TUT4: variants seen among roughly 807,000 people sequenced by gnomAD.
TUT4 encodes terminal uridylyl transferase 4.
TUT4 carries 36 observed loss-of-function variants against 192.2 expected under a neutral mutation model. The observed-to-expected ratio is 0.19, with a 90% CI of 0.14 to 0.25. The LOEUF (loss-of-function observed/expected upper bound fraction) is 0.25, where lower values mean the gene tolerates loss of function less well. Among genes scored for constraint, TUT4 ranks in the 10% least tolerant of loss-of-function variants. The pLI is 1.00. For missense variants in TUT4, 1,493 were observed against 1,957.2 expected (o/e 0.76, Z 4.47); for synonymous variants, 618 against 666.0 (o/e 0.93, Z 1.11).
rs1182397956 is a variant in TUT4, at chr1:52,446,341, A to G, written c.3615T>C (p.Tyr1205=). ...FYTEEFDFKE[Y]VISIRQKKLL... ...GCTTTTTCTGCCGAATGCTAATTAC[A>G]TATTCCTTGAAATCAAACTCTTCAG... Residue 1205 remains tyrosine (Y), a synonymous_variant, in exon 22 of 30, where the codon TAT becomes TAC. Transcript: ENST00000257177. 13 of 1,613,934 alleles carry G rather than the reference A, an allele frequency of 8.1e-6. No individual in the cohort carries two copies. In the East Asian group the frequency reaches 2.7e-4, roughly 33 times the overall value.
chr1:52,501,941 T>C (rs1674213652), intron 4 of TUT4, among the ~76,000 whole-genome samples: 2 of 152,246 alleles, frequency 1.3e-5, no homozygotes, highest in Admixed American at 1.3e-4. Context: ...TACTAGGGGC[T>C]GCAGGGAGAG....
chr1:52,444,406 A>C (rs577139880), intron 24 of TUT4, among the ~76,000 whole-genome samples: 42 of 152,268 alleles, frequency 2.8e-4, no homozygotes, highest in Non-Finnish European at 4.1e-4. Flanking sequence ...AGGGAAAAGA[A>C]GACTTCTCTC....
intron 1 of TUT4, among the ~76,000 whole-genome samples, chr1:52,532,044 C>T (rs1325961288): frequency 6.6e-6 from 1 of 151,750 alleles, no homozygotes; most frequent in South Asian, 2.1e-4. Context: ...TGTGCTACCA[C>T]GCCCAGCTAA....
intron 1 of TUT4, among the ~76,000 whole-genome samples, chr1:52,551,304 C>G (rs1039463034): frequency 2.6e-5 from 4 of 152,140 alleles, no homozygotes; most frequent in Non-Finnish European, 4.4e-5. Context: ...TTAACTTTCA[C>G]TTCCATTTCT....
At position 52,436,801 on chromosome 1, in the gene TUT4, C is replaced by T. The variant is rs373115070; in HGVS notation, c.4116G>A (p.Glu1372=). ...ICGDAGHVRR[E]CPEVKLARQR... is the part of the protein sequence containing the mutation. The stretch of plus-strand genomic sequence containing the variant: ...GACGGGCCAGCTTGACCTCTGGGCA[C>T]TCCCTTCGTACATGTCCAGCATCTC... The change falls in exon 26 of 30, where the codon GAG becomes GAA. Residue 1372 remains glutamate, a synonymous_variant. Transcript: ENST00000257177. 20 of 1,613,710 alleles carry T rather than the reference C, an allele frequency of 1.2e-5. No individual in the cohort carries two copies. The highest frequency in any genetic ancestry group is 1.1e-4 in the East Asian group (5 of 44,850).
intron 15 of TUT4, among the ~76,000 whole-genome samples, chr1:52,467,635 G>C (rs1664575804): frequency 6.6e-6 from 1 of 152,008 alleles, no homozygotes; most frequent in African/African-American, 2.4e-5. Flanking sequence ...ATTCTCATTA[G>C]GTACTCAAAA....
chr1:52,470,173 G>A (rs1665343153), intron 14 of TUT4, among the ~76,000 whole-genome samples: 1 of 151,736 alleles, frequency 6.6e-6, no homozygotes, highest in Non-Finnish European at 1.5e-5. Flanking sequence ...GTATGGAAGT[G>A]TTAAAACCCA....
rs1570781734 is a variant in TUT4, at chr1:52,481,987, C to T, written c.1516-64G>A. ...TTCTTAATTTTCATGATAAAAGTAG[C>T]TTGCTTTTTCCTACCCTAATCATTG... On this transcript the variant is annotated intron_variant, in intron 9 of 29. Transcript: ENST00000257177. The T allele has an allele frequency of 1.1e-5, 15 of 1,371,866 alleles. No individual in the cohort carries two copies. The South Asian group carries it at 1.3e-4, about 12-fold the overall frequency. 85.0% of individuals were successfully genotyped at this position (1,371,866 alleles called of 1,614,324 possible). A position where few individuals can be genotyped will look rare whatever the true frequency, so the allele number is the denominator to read the frequency against.
chr1:52,462,714 G>T, intron 16 of TUT4: 7 of 983,734 alleles, frequency 7.1e-6, no homozygotes, highest in Non-Finnish European at 7.2e-6. Context: ...ATATGGAAAA[G>T]AAAGATACTC....
chr1:52,521,195 T>A (rs1248518629), intron 2 of TUT4, among the ~76,000 whole-genome samples: 1 of 152,252 alleles, frequency 6.6e-6, no homozygotes, highest in Non-Finnish European at 1.5e-5. Flanking sequence ...ATCACTTATA[T>A]ATTCCTAATG....
At chr1:52,489,386 C>T (rs889524843) in intron 8 of TUT4, among the ~76,000 whole-genome samples, 1 of 152,164 alleles carries the variant, frequency 6.6e-6, no homozygotes, top group Non-Finnish European at 1.5e-5. Flanking sequence ...TCTTCAATGT[C>T]AAATAGTGCA....
intron 20 of TUT4, among the ~76,000 whole-genome samples, chr1:52,455,030 C>T (rs1206818672): frequency 6.6e-6 from 1 of 152,194 alleles, no homozygotes; most frequent in Non-Finnish European, 1.5e-5. Flanking sequence ...CTTGTAATCC[C>T]AGCACTCACT....
At chr1:52,449,066 TACACACACAC>T (rs144045393) in intron 20 of TUT4, among the ~76,000 whole-genome samples, 2 of 150,550 alleles carry the variant, frequency 1.3e-5, no homozygotes, top group Non-Finnish European at 3.0e-5. Context: ...TATACACTTT[TACACACACAC>T]ACACACAGAC....
intron 20 of TUT4, among the ~76,000 whole-genome samples, chr1:52,455,476 G>A (rs1660619594): frequency 6.6e-6 from 1 of 151,602 alleles, no homozygotes; most frequent in African/African-American, 2.4e-5. Context: ...GGGCTTGGTG[G>A]TGTGCACCCG....
chr1:52,528,374 C>T (rs1018178369), intron 1 of TUT4, among the ~76,000 whole-genome samples: 1 of 151,444 alleles, frequency 6.6e-6, no homozygotes, highest in African/African-American at 2.4e-5. Flanking sequence ...GCCTGTAGTC[C>T]CAGCTACTTA....
intron 2 of TUT4, among the ~76,000 whole-genome samples, chr1:52,523,213 G>A (rs565098820): frequency 3.3e-5 from 5 of 151,412 alleles, no homozygotes; most frequent in South Asian, 4.2e-4. Context: ...GGCTGGTCTC[G>A]ACCTCCTGAC....
chr1:52,531,861 A>G (rs1683511561), intron 1 of TUT4, among the ~76,000 whole-genome samples: 1 of 147,510 alleles, frequency 6.8e-6, no homozygotes, highest in East Asian at 2.0e-4. Flanking sequence ...TCCTATCTGA[A>G]CAGTAGAGAC....
At chr1:52,466,682 A>ATATATATTTT (rs372853314) in intron 15 of TUT4, among the ~76,000 whole-genome samples, 10 of 123,830 alleles carry the variant, frequency 8.1e-5, no homozygotes, top group African/African-American at 3.2e-4. Context: ...ATATATATAT[A>ATATATATTTT]TTTTTGAGAC....
intron 20 of TUT4, among the ~76,000 whole-genome samples, chr1:52,447,144 C>G (rs962809320): frequency 6.6e-6 from 1 of 152,116 alleles, no homozygotes; most frequent in Non-Finnish European, 1.5e-5. Context: ...ATTGGACTAT[C>G]ATTTTGTAAA....
Sources: gnomAD v4.1 joint callset for allele counts (sites outside exome capture counted in the v4.1 genomes callset) on GRCh38, gnomAD v4.1.1 for gene constraint, MANE v1.5 for transcripts, NCBI Gene and HGNC (gene_info 2026-07-23, HGNC 2026-07-21) for gene names.